Variants in MCF2L2 observed in about 807,000 individuals in gnomAD.
The protein encoded by MCF2L2 is MCF.2 cell line derived transforming sequence-like 2, also known as probable guanine nucleotide exchange factor MCF2L2.
MCF2L2 carries 102 observed loss-of-function variants against 150.2 expected under a neutral mutation model. That is an observed-to-expected ratio of 0.68 (90% CI 0.58 to 0.80). The LOEUF is 0.80. Among genes scored for constraint, MCF2L2 ranks in the 30% least tolerant of loss-of-function variants. MCF2L2 has a pLI of 0.00. For missense variants in MCF2L2, 1,256 were observed against 1,372.8 expected, an observed-to-expected ratio of 0.91 and a Z score of 1.34; for synonymous variants, 465 against 491.3, an observed-to-expected ratio of 0.95 and a Z score of 0.71.
intron 15 of MCF2L2, among the ~76,000 whole-genome samples, chr3:183,255,385 T>C (rs147764010): frequency 2.6e-5 from 4 of 152,372 alleles, no homozygotes; most frequent in African/African-American, 9.6e-5. Flanking sequence ...GGGCCAACTC[T>C]TTGCTTTTAA....
rs1265641528 is a variant in MCF2L2 at position 183,361,058 on chromosome 3, G to A, written c.275+18239C>T. Among the ~76,000 whole-genome samples, 6 of 95,158 alleles carry A rather than the reference G, an allele frequency of 6.3e-5. No homozygotes were observed. The South Asian group carries it at 1.8e-3, about 28-fold the overall frequency. 62.4% of individuals were successfully genotyped at this position (95,158 alleles called of 152,430 possible). A position where few individuals can be genotyped will look rare whatever the true frequency, so the allele number is the denominator to read the frequency against. On this transcript the variant is annotated intron_variant, in intron 3 of 29. Transcript: ENST00000328913. The stretch of plus-strand genomic sequence containing the variant: ...AAGGAAGAAAGGAAAGGAAAGGAAA[G>A]ACCAGATAAGACAGAAGAGAAGACA...
intron 3 of MCF2L2, among the ~76,000 whole-genome samples, chr3:183,364,654 G>GA (rs1488082120): frequency 1.3e-5 from 2 of 151,862 alleles, no homozygotes; most frequent in Non-Finnish European, 2.9e-5. Context: ...AACTTAAGAA[G>GA]AAAAAAGAGA....
At chr3:183,306,908 T>C (rs1418350640) in intron 10 of MCF2L2, among the ~76,000 whole-genome samples, 1 of 152,190 alleles carries the variant, frequency 6.6e-6, no homozygotes, top group Non-Finnish European at 1.5e-5. Flanking sequence ...TGCTGGCCCC[T>C]CAGCAAGGGT....
intron 2 of MCF2L2, among the ~76,000 whole-genome samples, chr3:183,384,245 C>T (rs748080253): frequency 3.9e-5 from 6 of 152,190 alleles, no homozygotes; most frequent in Non-Finnish European, 7.3e-5. Flanking sequence ...CATTCCTGGG[C>T]GTAGGCTGAA....
rs554693240 is a variant in MCF2L2 at position 183,294,651 on chromosome 3, C to T, written c.1675+649G>A. ...TATATATATTTTTTTTTTTTTGAGA[C>T]GGAGTCTCGCTCTGTCACCCAGGAT... is the stretch of plus-strand genomic sequence containing the variant. On this transcript the variant is annotated intron_variant, in intron 13 of 29. Transcript: ENST00000328913. 1.3e-4 allele frequency among the ~76,000 whole-genome samples: 15 copies of T among 118,608 alleles called. 1 individual carries two copies. In the East Asian group the frequency reaches 4.1e-3, roughly 33 times the overall value. The allele number at this position is 118,608 out of a possible 152,430, so 77.8% of individuals were successfully genotyped here. A position where few individuals can be genotyped will look rare whatever the true frequency, so the allele number is the denominator to read the frequency against.
At chr3:183,391,885 T>G (rs1714174103) in intron 1 of MCF2L2, among the ~76,000 whole-genome samples, 1 of 150,968 alleles carries the variant, frequency 6.6e-6, no homozygotes, top group Non-Finnish European at 1.5e-5. Flanking sequence ...CCTGAGCATT[T>G]TTTTGATTTC....
At chr3:183,323,832 A>G (rs1288950906) in intron 5 of MCF2L2, among the ~76,000 whole-genome samples, 3 of 151,920 alleles carry the variant, frequency 2.0e-5, no homozygotes, top group East Asian at 1.9e-4. Context: ...CAGCAGGGAA[A>G]TATTTTAAAG....
At chr3:183,318,300 T>C in intron 6 of MCF2L2, 83 bp from the exon 7 acceptor site, 3 of 1,468,634 alleles carry the variant, frequency 2.0e-6, no homozygotes, top group East Asian at 4.5e-5. Context: ...ACAGATTTAG[T>C]TGATAAAATT....
At chr3:183,274,731 T>G (rs1415295165) in intron 15 of MCF2L2, among the ~76,000 whole-genome samples, 1 of 152,240 alleles carries the variant, frequency 6.6e-6, no homozygotes, top group Non-Finnish European at 1.5e-5. Context: ...ATATGCAAGG[T>G]TATTCATTCT....
intron 6 of MCF2L2, among the ~76,000 whole-genome samples, chr3:183,321,437 C>CAAAAAAAAA (rs754945400): frequency 2.3e-5 from 2 of 87,226 alleles, no homozygotes; most frequent in African/African-American, 3.9e-5. Flanking sequence ...GACTCTGTCT[C>CAAAAAAAAA]AAAAAAAAAA....
intron 3 of MCF2L2, among the ~76,000 whole-genome samples, chr3:183,367,576 A>T (rs1037775872): frequency 3.9e-5 from 6 of 152,206 alleles, no homozygotes; most frequent in African/African-American, 1.2e-4. Context: ...GACAAAAAGA[A>T]TCTATTTGTA....
intron 1 of MCF2L2, among the ~76,000 whole-genome samples, chr3:183,410,577 G>A (rs1250335257): frequency 6.6e-6 from 1 of 152,184 alleles, no homozygotes; most frequent in African/African-American, 2.4e-5. Flanking sequence ...ATTGACCAGT[G>A]ACATCTTAAT....
chr3:183,330,768 G>A (rs975280908), intron 5 of MCF2L2, among the ~76,000 whole-genome samples: 3 of 152,072 alleles, frequency 2.0e-5, no homozygotes, highest in Non-Finnish European at 4.4e-5. Flanking sequence ...AAAAAAGGCA[G>A]AATAATTGTG....
chr3:183,281,375 T>A (rs1054343129), intron 14 of MCF2L2, among the ~76,000 whole-genome samples: 1 of 151,362 alleles, frequency 6.6e-6, no homozygotes, highest in Non-Finnish European at 1.5e-5. Context: ...TTTTTTTTTT[T>A]TTTTTTTGGA....
chr3:183,394,208 C>T (rs1032725413), intron 1 of MCF2L2, among the ~76,000 whole-genome samples: 2 of 152,142 alleles, frequency 1.3e-5, no homozygotes, highest in Non-Finnish European at 2.9e-5. Context: ...TTTGCAACAA[C>T]GCGTAACAAG....
chr3:183,422,006 A>G (rs144450840), intron 1 of MCF2L2, among the ~76,000 whole-genome samples: 36 of 152,290 alleles, frequency 2.4e-4, no homozygotes, highest in African/African-American at 8.2e-4. Flanking sequence ...TATCATACTC[A>G]GCTGTTAAAC....
chr3:183,234,627 T>A lies in MCF2L2; in HGVS notation c.1863-3610A>T, dbSNP rs537072732. ...CACATCAGTGTTAGGCCATTGCTTT[T>A]CCTTGCTTCTCTTGTTTTCCTTTCA... On this transcript the variant is annotated intron_variant, in intron 15 of 29. Coordinates refer to ENST00000328913, the MANE Select transcript of MCF2L2 (RefSeq NM_015078.4). 1.1e-3 allele frequency among the ~76,000 whole-genome samples: 172 copies of A among 151,994 alleles called. 2 individuals carry two copies. The South Asian group carries it at 0.022, about 19-fold the overall frequency.
intron 1 of MCF2L2, among the ~76,000 whole-genome samples, chr3:183,399,243 T>C (rs1714618505): frequency 6.6e-6 from 1 of 152,190 alleles, no homozygotes; most frequent in Non-Finnish European, 1.5e-5. Context: ...CTATGAATCA[T>C]GTCTCAATCA....
chr3:183,345,920 A>C (rs1730879974), intron 3 of MCF2L2, among the ~76,000 whole-genome samples: 1 of 152,246 alleles, frequency 6.6e-6, no homozygotes, highest in South Asian at 2.1e-4. Context: ...AAATTGAGGC[A>C]GTAGTTAATA....
Sources: allele counts gnomAD v4.1 joint callset (sites outside exome capture counted in the v4.1 genomes callset), GRCh38; gene constraint gnomAD v4.1.1; transcripts MANE v1.5; gene names NCBI Gene and HGNC (gene_info 2026-07-23, HGNC 2026-07-21).